Variants in SUGCT observed in about 807,000 individuals in gnomAD.
SUGCT encodes the protein succinyl-CoA:glutarate-CoA transferase.
SUGCT carries 41 observed loss-of-function variants against 55.0 expected under a neutral mutation model. The observed-to-expected ratio is 0.74, with a 90% CI of 0.58 to 0.97. SUGCT has a LOEUF of 0.97. SUGCT is among the 50% of genes least tolerant of loss of function. The probability of loss-of-function intolerance (pLI) is 0.00; values close to 1 mark genes in which losing one functional copy is unlikely to be tolerated. For missense variants in SUGCT, 568 were observed against 547.8 expected (o/e 1.04, Z -0.37); for synonymous variants, 187 against 200.4 (o/e 0.93, Z 0.56).
At chr7:40,784,693 T>C (rs1318925640) in intron 13 of SUGCT, among the ~76,000 whole-genome samples, 1 of 152,114 alleles carries the variant, frequency 6.6e-6, no homozygotes, top group Non-Finnish European at 1.5e-5. Flanking sequence ...ACAATGTTAT[T>C]TGACATGATT....
At chr7:40,834,628 G>T (rs972733178) in intron 13 of SUGCT, among the ~76,000 whole-genome samples, 12 of 152,108 alleles carry the variant, frequency 7.9e-5, no homozygotes, top group Non-Finnish European at 1.8e-4. Context: ...TGCGCACCTG[G>T]AACATGGCAC....
At position 40,618,004 on chromosome 7, in the gene SUGCT, T is replaced by C. The variant is rs374894824; in HGVS notation, c.1089+121618T>C. Among the ~76,000 whole-genome samples, 28 of 152,344 alleles carry C rather than the reference T, an allele frequency of 1.8e-4. No individual in the cohort carries two copies. The East Asian group carries it at 2.9e-3, about 16-fold the overall frequency. On this transcript the variant is annotated intron_variant, in intron 12 of 13. Coordinates refer to ENST00000335693, the MANE Select transcript of SUGCT (RefSeq NM_001193313.2). Reference sequence around the variant, plus strand: ...GTTGCTTAGTCATTATGTATATCCATTTCATTCTTTCTCTAGAAGACATTC... The same window carrying C: ...GTTGCTTAGTCATTATGTATATCCACTTCATTCTTTCTCTAGAAGACATTC...
At chr7:40,407,797 C>T (rs1056111875) in intron 9 of SUGCT, among the ~76,000 whole-genome samples, 6 of 151,934 alleles carry the variant, frequency 3.9e-5, no homozygotes, top group Admixed American at 3.9e-4. Context: ...TTCCTCTAAA[C>T]GAGACTATCT....
chr7:40,146,241 T>G (rs1439047277), intron 1 of SUGCT, among the ~76,000 whole-genome samples: 1 of 152,222 alleles, frequency 6.6e-6, no homozygotes, highest in Non-Finnish European at 1.5e-5. Context: ...ATCCGCAGGT[T>G]ACTGGGTTAA....
chr7:40,454,295 T>G (rs1789351336), intron 10 of SUGCT, among the ~76,000 whole-genome samples: 1 of 152,208 alleles, frequency 6.6e-6, no homozygotes, highest in African/African-American at 2.4e-5. Context: ...TTGGTAAAAG[T>G]TAAATGCCCG....
At chr7:40,988,664 TAGAGA>T in the SUGCT span, among the ~76,000 whole-genome samples, 4 of 152,100 alleles carry the variant, frequency 2.6e-5, no homozygotes, top group African/African-American at 4.8e-5. Flanking sequence ...TTTATTATCG[TAGAGA>T]AAAGAATCAA....
At chr7:40,303,723 G>A (rs959225972) in intron 8 of SUGCT, among the ~76,000 whole-genome samples, 4 of 152,136 alleles carry the variant, frequency 2.6e-5, no homozygotes, top group African/African-American at 9.7e-5. Flanking sequence ...TGAGAAAGGG[G>A]AACAGTCTAA....
intron 12 of SUGCT, among the ~76,000 whole-genome samples, chr7:40,689,451 G>C (rs960143439): frequency 2.0e-5 from 3 of 152,190 alleles, no homozygotes; most frequent in Admixed American, 6.5e-5. Flanking sequence ...ATTATCGTGG[G>C]TAATTTTCCA....
intron 12 of SUGCT, among the ~76,000 whole-genome samples, chr7:40,561,926 C>T (rs901495833): frequency 6.0e-5 from 9 of 150,266 alleles, no homozygotes; most frequent in African/African-American, 2.2e-4. Context: ...TCCTGACCTC[C>T]TGATCCACTG....
chr7:40,664,057 T>C (rs1801474735), intron 12 of SUGCT, among the ~76,000 whole-genome samples: 1 of 152,188 alleles, frequency 6.6e-6, no homozygotes, highest in Non-Finnish European at 1.5e-5. Context: ...GATGGCCATC[T>C]ACAAGCCAAG....
intron 9 of SUGCT, among the ~76,000 whole-genome samples, chr7:40,438,768 G>T (rs1481608308): frequency 6.6e-6 from 1 of 151,646 alleles, no homozygotes; most frequent in Non-Finnish European, 1.5e-5. Flanking sequence ...ATCTGGTAGT[G>T]GTGTGTGTGC....
chr7:40,603,706 CCTT>C (rs1798401725), intron 12 of SUGCT, among the ~76,000 whole-genome samples: 1 of 152,124 alleles, frequency 6.6e-6, no homozygotes, highest in African/African-American at 2.4e-5. Flanking sequence ...GAAAAATTCC[CCTT>C]CTTATTTGGT....
At chr7:40,305,430 G>A (rs1794798826) in intron 8 of SUGCT, among the ~76,000 whole-genome samples, 1 of 152,118 alleles carries the variant, frequency 6.6e-6, no homozygotes, top group African/African-American at 2.4e-5. Context: ...AGAGAGAGCA[G>A]GAAACAAATC....
chr7:40,988,645 A>G, the SUGCT span, among the ~76,000 whole-genome samples: 1 of 152,212 alleles, frequency 6.6e-6, no homozygotes, highest in Non-Finnish European at 1.5e-5. Flanking sequence ...TGTGCTCTAC[A>G]TGTAATTTTT....
the SUGCT span, among the ~76,000 whole-genome samples, chr7:40,960,864 T>A: frequency 0.015 from 2,309 of 152,286 alleles, 59 homozygotes; most frequent in African/African-American, 0.051. Flanking sequence ...TCCACAAACA[T>A]GTATATGTGT....
intron 1 of SUGCT, among the ~76,000 whole-genome samples, chr7:40,169,731 A>T (rs1784583443): frequency 6.6e-6 from 1 of 151,872 alleles, no homozygotes; most frequent in South Asian, 2.1e-4. Flanking sequence ...GCCACAACTA[A>T]GTGGTGGCCT....
intron 12 of SUGCT, among the ~76,000 whole-genome samples, chr7:40,735,684 G>A (rs1013169343): frequency 1.3e-5 from 2 of 152,068 alleles, no homozygotes; most frequent in East Asian, 1.9e-4. Flanking sequence ...ATGTCAGTGG[G>A]TGAACTAGGT....
At chr7:40,700,306 A>C (rs1268982619) in intron 12 of SUGCT, among the ~76,000 whole-genome samples, 1 of 152,172 alleles carries the variant, frequency 6.6e-6, no homozygotes, top group Non-Finnish European at 1.5e-5. Flanking sequence ...TCAAGCATTC[A>C]GGAGAACTTA....
intron 9 of SUGCT, among the ~76,000 whole-genome samples, chr7:40,406,512 G>C (rs1173729933): frequency 6.6e-6 from 1 of 152,118 alleles, no homozygotes; most frequent in African/African-American, 2.4e-5. Flanking sequence ...AGGAATGAAC[G>C]AGGGCAACTT....
Sources: allele counts gnomAD v4.1 joint callset (sites outside exome capture counted in the v4.1 genomes callset), GRCh38; gene constraint gnomAD v4.1.1; transcripts MANE v1.5; gene names NCBI Gene and HGNC (gene_info 2026-07-23, HGNC 2026-07-21).